Variants in CNTNAP2 observed in about 807,000 individuals in gnomAD.
The protein encoded by CNTNAP2 is contactin-associated protein-like 2.
CNTNAP2 carries 98 observed loss-of-function variants against 155.2 expected under a neutral mutation model. The ratio of observed to expected loss-of-function variants is 0.63; its 90% CI spans 0.54 to 0.75. The LOEUF is 0.75. Among genes scored for constraint, CNTNAP2 ranks in the 30% least tolerant of loss-of-function variants. CNTNAP2 has a pLI of 0.00. For missense variants in CNTNAP2, 1,727 were observed against 1,688.1 expected (o/e 1.02, Z -0.40); for synonymous variants, 651 against 631.2 (o/e 1.03, Z -0.47).
At chr7:146,330,408 G>A (rs191557157) in intron 1 of CNTNAP2, among the ~76,000 whole-genome samples, 9 of 152,074 alleles carry the variant, frequency 5.9e-5, no homozygotes, top group African/African-American at 1.7e-4. Context: ...CTTTTTTGAA[G>A]GTGGTGATAT....
intron 2 of CNTNAP2, among the ~76,000 whole-genome samples, chr7:146,778,442 G>A (rs1269534879): frequency 6.6e-6 from 1 of 152,158 alleles, no homozygotes; most frequent in African/African-American, 2.4e-5. Flanking sequence ...ATTCTGACAT[G>A]TCTTTTGGAG....
At chr7:148,066,191 T>G (rs1803256989) in intron 15 of CNTNAP2, among the ~76,000 whole-genome samples, 1 of 151,872 alleles carries the variant, frequency 6.6e-6, no homozygotes, top group East Asian at 1.9e-4. Flanking sequence ...GGTTACCTGA[T>G]GTTTTTGCCT....
intron 1 of CNTNAP2, among the ~76,000 whole-genome samples, chr7:146,419,603 G>T (rs1014783460): frequency 1.3e-5 from 2 of 151,978 alleles, no homozygotes; most frequent in Admixed American, 6.6e-5. Flanking sequence ...AATAGTAAAT[G>T]GGCAAGAGTT....
intron 1 of CNTNAP2, among the ~76,000 whole-genome samples, chr7:146,511,160 A>G (rs1010901584): frequency 6.6e-6 from 1 of 152,140 alleles, no homozygotes; most frequent in Non-Finnish European, 1.5e-5. Flanking sequence ...AGCCTCCCAA[A>G]GTGCTGGGAT....
intron 12 of CNTNAP2, among the ~76,000 whole-genome samples, chr7:147,585,789 G>A (rs80144577): frequency 5.4e-4 from 72 of 132,694 alleles, no homozygotes; most frequent in Non-Finnish European, 9.9e-4. Context: ...GTGTGTGTGT[G>A]TATATATGTG....
rs983485491 is a variant in CNTNAP2, at chr7:148,023,352, C to T, written c.2383+45363C>T. On this transcript the variant is annotated intron_variant, in intron 15 of 23. Transcript: ENST00000361727. ...GCCCAGAAAGCAAGCTCATGTGTGC[C>T]GGAGTGATTAATGATACAGTTTATG... 3.9e-5 allele frequency among the ~76,000 whole-genome samples: 6 copies of T among 152,194 alleles called. No homozygotes were observed. The East Asian group carries it at 7.7e-4, about 20-fold the overall frequency.
At chr7:146,249,747 C>A (rs1450798004) in intron 1 of CNTNAP2, among the ~76,000 whole-genome samples, 2 of 152,024 alleles carry the variant, frequency 1.3e-5, no homozygotes, top group East Asian at 3.9e-4. Flanking sequence ...CATCACTGAA[C>A]AAGTTTATTT....
intron 2 of CNTNAP2, among the ~76,000 whole-genome samples, chr7:146,783,934 C>T (rs1802531920): frequency 2.6e-5 from 4 of 152,092 alleles, no homozygotes; most frequent in South Asian, 4.1e-4. Flanking sequence ...AAACATTGTG[C>T]GGATCACGGG....
intron 1 of CNTNAP2, among the ~76,000 whole-genome samples, chr7:146,484,312 C>T (rs1797023485): frequency 6.6e-6 from 1 of 152,276 alleles, no homozygotes; most frequent in East Asian, 1.9e-4. Context: ...TGACACATGA[C>T]CGCAGTCATG....
At chr7:147,126,869 C>T (rs1249843549) in intron 6 of CNTNAP2, among the ~76,000 whole-genome samples, 6 of 152,150 alleles carry the variant, frequency 3.9e-5, no homozygotes, top group African/African-American at 1.2e-4. Context: ...CTAAATTGTT[C>T]GGATCTGTTA....
At chr7:146,302,523 A>T (rs903950553) in intron 1 of CNTNAP2, among the ~76,000 whole-genome samples, 10 of 152,206 alleles carry the variant, frequency 6.6e-5, no homozygotes, top group African/African-American at 2.4e-4. Flanking sequence ...CCTGACAAAG[A>T]TTCTTCAAGA....
intron 1 of CNTNAP2, among the ~76,000 whole-genome samples, chr7:146,314,058 C>T (rs1282471543): frequency 6.6e-6 from 1 of 152,100 alleles, no homozygotes; most frequent in Non-Finnish European, 1.5e-5. Flanking sequence ...GATATGGGGT[C>T]TGATTTCGTT....
chr7:147,507,081 A>G (rs1433324513), intron 11 of CNTNAP2, among the ~76,000 whole-genome samples: 2 of 152,174 alleles, frequency 1.3e-5, no homozygotes, highest in African/African-American at 4.8e-5. Context: ...TAGACTCTCC[A>G]AAGTAGCAGC....
At chr7:147,669,624 A>C (rs946100754) in intron 13 of CNTNAP2, among the ~76,000 whole-genome samples, 1 of 151,872 alleles carries the variant, frequency 6.6e-6, no homozygotes, top group Non-Finnish European at 1.5e-5. Flanking sequence ...TGAAACAATG[A>C]CTCCAATTCA....
chr7:146,686,559 T>G (rs764833920), intron 1 of CNTNAP2, among the ~76,000 whole-genome samples: 1 of 152,168 alleles, frequency 6.6e-6, no homozygotes, highest in African/African-American at 2.4e-5. Context: ...CTAGATCTTC[T>G]GTAAGATCGA....
At chr7:148,140,393 A>G (rs1030766265) in intron 16 of CNTNAP2, among the ~76,000 whole-genome samples, 2 of 150,812 alleles carry the variant, frequency 1.3e-5, no homozygotes, top group Admixed American at 1.3e-4. Flanking sequence ...TCAATCTGGC[A>G]TGGTAAGGCC....
At chr7:146,905,561 T>C (rs983748221) in intron 3 of CNTNAP2, among the ~76,000 whole-genome samples, 3 of 152,148 alleles carry the variant, frequency 2.0e-5, no homozygotes, top group Non-Finnish European at 4.4e-5. Context: ...TTAGAAAATA[T>C]TTTGATCTTC....
At chr7:146,639,212 A>AT (rs1799663538) in intron 1 of CNTNAP2, among the ~76,000 whole-genome samples, 1 of 152,186 alleles carries the variant, frequency 6.6e-6, no homozygotes, top group Non-Finnish European at 1.5e-5. Flanking sequence ...ATACCAATTT[A>AT]TTTTGTATGC....
rs12532419 is a variant in CNTNAP2, at chr7:146,569,546, C to A, written c.98-204725C>A. 4.6e-3 allele frequency among the ~76,000 whole-genome samples: 707 copies of A among 152,176 alleles called. 5 individuals carry two copies. Among genetic ancestry groups the A allele is most frequent in the African/African-American group, 0.016 (655 of 41,510 alleles). On this transcript the variant is annotated intron_variant, in intron 1 of 23. Transcript: ENST00000361727. ...AGTAAAGTAAGTTAATCCTTTCCAA[C>A]GCTCTGATTATTAGCTCAGCACCTC...
Sources: gnomAD v4.1 joint callset for allele counts (sites outside exome capture counted in the v4.1 genomes callset) on GRCh38, gnomAD v4.1.1 for gene constraint, MANE v1.5 for transcripts, NCBI Gene and HGNC (gene_info 2026-07-23, HGNC 2026-07-21) for gene names.